The following SLC4A7 variants were observed in gnomAD, a reference collection of about 807,000 sequenced individuals.
SLC4A7 encodes solute carrier family 4 member 7.
SLC4A7 carries 51 observed loss-of-function variants against 137.6 expected under a neutral mutation model. The ratio of observed to expected loss-of-function variants is 0.37; its 90% CI spans 0.30 to 0.47. The LOEUF (loss-of-function observed/expected upper bound fraction) is 0.47. Among genes scored for constraint, SLC4A7 ranks in the 20% least tolerant of loss-of-function variants. The pLI is 1.00. For missense variants in SLC4A7, 1,247 were observed against 1,525.4 expected, an observed-to-expected ratio of 0.82 and a Z score of 3.04; for synonymous variants, 542 against 518.6, an observed-to-expected ratio of 1.05 and a Z score of -0.61.
intron 25 of SLC4A7, among the ~76,000 whole-genome samples, chr3:27,377,820 G>C (rs182047254): frequency 6.6e-6 from 1 of 152,236 alleles, no homozygotes; most frequent in East Asian, 1.9e-4. Flanking sequence ...AACACACTAT[G>C]GTTTGCTGTC....
At chr3:27,394,410 A>G in intron 20 of SLC4A7, 108 bp downstream of exon 20, 1 of 1,017,650 alleles carries the variant, frequency 9.8e-7, no homozygotes, top group Non-Finnish European at 1.5e-6. Flanking sequence ...ACTGTGGAAA[A>G]CAAACCTAAT....
chr3:27,483,990 GCCGCGCCCCCCGCCTTTGTCTGCCTCGCC>G, intron 1 of SLC4A7, 48 bp downstream of exon 1: 1 of 1,154,736 alleles, frequency 8.7e-7, no homozygotes, highest in Admixed American at 4.3e-5. Flanking sequence ...CGCGACGCCC[GCCGCGCCCCCCGCCTTTGTCTGCCTCGCC>G]CCGCGCCCTC....
chr3:27,452,487 T>A lies in SLC4A7; in HGVS notation c.72A>T (p.Glu24Asp), dbSNP rs745452532. Residue 24 changes from glutamate (E) to aspartate (D), a missense_variant, in exon 2 of 26, where the codon GAA becomes GAT. Transcript: ENST00000454389. ...TTTTGCCAAGATCCACAACAGCTTCTTCATCAGGACCCTAAAAACAAATTA... is the reference window on the plus strand; with the variant it reads ...TTTTGCCAAGATCCACAACAGCTTCATCATCAGGACCCTAAAAACAAATTA... ...LTRVTSRGPDEEAVVDLGKTS... is the reference protein window; with the variant it reads ...LTRVTSRGPDDEAVVDLGKTS... The A allele has an allele frequency of 1.2e-6, 2 of 1,605,500 alleles. No homozygotes were observed. The highest frequency in any genetic ancestry group is 2.2e-5 in the South Asian group (2 of 89,428).
In SLC4A7 at chr3:27,406,797, TG is replaced by T. The variant is rs373696042; in HGVS notation, c.1942-1835del. Reference sequence around the variant, plus strand: ...AATACAAAAAATTAGCTAGGCGTGGTGGTACACACCTATAGTCCCAGCTACT... The same window carrying T: ...AATACAAAAAATTAGCTAGGCGTGGTGTACACACCTATAGTCCCAGCTACT... On this transcript the variant is annotated intron_variant, in intron 13 of 25. Coordinates refer to ENST00000454389, the MANE Select transcript of SLC4A7 (RefSeq NM_001321103.2). Among the ~76,000 whole-genome samples the T allele has an allele frequency of 2.6e-3, 401 of 152,132 alleles. 1 individual carries two copies. Among genetic ancestry groups the T allele is most frequent in the African/African-American group, 9.3e-3 (387 of 41,508 alleles).
chr3:27,418,468 A>C lies in SLC4A7; in HGVS notation c.1659+18T>G. 1 of 1,582,972 alleles carries C rather than the reference A, an allele frequency of 6.3e-7. No homozygotes were observed. Among genetic ancestry groups the C allele is most frequent in the Non-Finnish European group, 8.6e-7 (1 of 1,165,678 alleles). On this transcript the variant is annotated intron_variant, in intron 11 of 25. Transcript: ENST00000454389. ...TTAAAATAAAGTAAGTCACAGAAGA[A>C]TAGCTCTGGATTCTTACCTGAGAAG...
chr3:27,474,409 T>C (rs2059382155), intron 1 of SLC4A7, among the ~76,000 whole-genome samples: 3 of 152,196 alleles, frequency 2.0e-5, no homozygotes, highest in South Asian at 2.1e-4. Flanking sequence ...AGGAGAGATA[T>C]ATCACATTTT....
intron 3 of SLC4A7, among the ~76,000 whole-genome samples, chr3:27,447,166 G>A (rs9840683): frequency 0.034 from 5,205 of 151,776 alleles, 102 homozygotes; most frequent in East Asian, 0.066. Context: ...AATTGCAAGC[G>A]TGAGCCACCG....
chr3:27,411,645 C>T lies in SLC4A7; in HGVS notation c.1763G>A (p.Gly588Glu). Residue 588 changes from glycine to glutamate, a missense_variant, in exon 12 of 26, where the codon GGA (glycine) becomes GAA (glutamate). Gly to Glu is a moderately conservative substitution (Grantham distance 98). Coordinates refer to ENST00000454389, the MANE Select transcript of SLC4A7 (RefSeq NM_001321103.2). ...HHAGPELQRT[G>E]RLFGGLILDI... is the part of the protein sequence containing the mutation. ...AAATATCAGTATTTGCACCCACCGT[C>T]CAGTCCTCTGTAGCTCAGGCCCAGC... The T allele has an allele frequency of 2.0e-6, 3 of 1,524,934 alleles. No individual in the cohort carries two copies. The highest frequency in any genetic ancestry group is 2.7e-6 in the Non-Finnish European group (3 of 1,126,456). The allele number at this position is 1,524,934 out of a possible 1,614,324, so 94.5% of individuals were successfully genotyped here.
intron 24 of SLC4A7, among the ~76,000 whole-genome samples, 178 bp from the exon 25 acceptor site, chr3:27,379,534 G>A (rs9825316): frequency 0.14 from 21,535 of 152,124 alleles, 1,567 homozygotes; most frequent in African/African-American, 0.2. Context: ...TCGAAACTAG[G>A]AGTAAGATTA....
At chr3:27,411,515 G>T in intron 12 of SLC4A7, 127 bp downstream of exon 12, 5 of 355,676 alleles carry the variant, frequency 1.4e-5, no homozygotes, top group East Asian at 4.8e-5. Flanking sequence ...ATATAATAAT[G>T]CACATTTTTA....
At chr3:27,409,278 T>C (rs1484137398) in intron 13 of SLC4A7, 78 bp downstream of exon 13, 2 of 1,136,706 alleles carry the variant, frequency 1.8e-6, no homozygotes, top group East Asian at 4.9e-5. Context: ...AATAAAAGTA[T>C]GAATAGTGAG....
At chr3:27,473,267 G>C (rs1048169139) in intron 1 of SLC4A7, among the ~76,000 whole-genome samples, 2 of 151,868 alleles carry the variant, frequency 1.3e-5, no homozygotes, top group Non-Finnish European at 2.9e-5. Flanking sequence ...CCTGTGAATA[G>C]CCACCACGTT....
chr3:27,464,400 A>G (rs2058861052), intron 1 of SLC4A7, among the ~76,000 whole-genome samples: 1 of 152,136 alleles, frequency 6.6e-6, no homozygotes, highest in Non-Finnish European at 1.5e-5. Flanking sequence ...GTGACATTTT[A>G]GTCCATTCTT....
intron 1 of SLC4A7, among the ~76,000 whole-genome samples, chr3:27,478,946 CG>C (rs1323002136): frequency 6.6e-6 from 1 of 151,018 alleles, no homozygotes; most frequent in African/African-American, 2.4e-5. Flanking sequence ...TGGAGGTTGC[CG>C]TGAGTCGAGA....
At position 27,457,778 on chromosome 3, in the gene SLC4A7, C is replaced by T. The variant is rs141454980; in HGVS notation, c.61-5280G>A. On this transcript the variant is annotated intron_variant, in intron 1 of 25. Transcript: ENST00000454389. ...TTTAAATCACACTTGTTAATAATAT[C>T]ACCAACAATCTCATAAGTCCAAGTA... Among the ~76,000 whole-genome samples, 8 of 152,192 alleles carry T rather than the reference C, an allele frequency of 5.3e-5. No homozygotes were observed. The East Asian group carries it at 1.5e-3, about 29-fold the overall frequency.
At chr3:27,419,009 TTAAA>T in intron 10 of SLC4A7, among the ~76,000 whole-genome samples, 1 of 152,304 alleles carries the variant, frequency 6.6e-6, no homozygotes, top group Middle Eastern at 3.4e-3. Flanking sequence ...ACAACTTTAC[TTAAA>T]TAATTTATTT....
At chr3:27,473,422 G>A (rs1191781154) in intron 1 of SLC4A7, among the ~76,000 whole-genome samples, 2 of 151,882 alleles carry the variant, frequency 1.3e-5, no homozygotes, top group Non-Finnish European at 2.9e-5. Flanking sequence ...TCACATTTTT[G>A]TAAAATAGAA....
chr3:27,434,073 G>T lies in SLC4A7; in HGVS notation c.621C>A (p.Gly207=), dbSNP rs751430564. The part of the protein sequence containing the change: ...DMVLDNMIAS[G]QLDESIRENV... ...TCTCTCGTATGGACTCGTCTAATTG[G>T]CCAGAAGCTATCATGTTGTCTAATA... The change falls in exon 6 of 26, where the codon GGC becomes GGA. Residue 207 remains glycine (G), a synonymous_variant. Coordinates refer to ENST00000454389, the MANE Select transcript of SLC4A7 (RefSeq NM_001321103.2). 1.2e-6 allele frequency: 2 copies of T among 1,612,460 alleles called. No homozygotes were observed. Among genetic ancestry groups the T allele is most frequent in the East Asian group, 2.2e-5 (1 of 44,770 alleles).
chr3:27,456,571 A>T, intron 1 of SLC4A7: 1 of 984,648 alleles, frequency 1.0e-6, no homozygotes, highest in South Asian at 1.3e-5. Flanking sequence ...AATAAGCCTG[A>T]CATTTCTTCA....
Sources: gnomAD v4.1 joint callset for allele counts (sites outside exome capture counted in the v4.1 genomes callset) on GRCh38, gnomAD v4.1.1 for gene constraint, MANE v1.5 for transcripts, NCBI Gene and HGNC (gene_info 2026-07-23, HGNC 2026-07-21) for gene names.